NADK2: variants seen among roughly 807,000 people sequenced by gnomAD.
NADK2 encodes NAD kinase domain-containing protein 1, mitochondrial.
In NADK2, 35 loss-of-function variants were observed where a neutral mutation model predicts 62.1. The ratio of observed to expected loss-of-function variants is 0.56; its 90% confidence interval spans 0.43 to 0.75. NADK2 has a LOEUF of 0.75. NADK2 is among the 30% of genes least tolerant of loss of function. The pLI is 0.00. For synonymous variants in NADK2, 205 were observed against 207.9 expected, an observed-to-expected ratio of 0.99 and a Z score of 0.12; for missense variants, 439 against 561.3, an observed-to-expected ratio of 0.78 and a Z score of 2.20.
In NADK2 at chr5:36,206,272, C is replaced by T. The variant is rs191643497; in HGVS notation, c.956+898G>A. Among the ~76,000 whole-genome samples, 333 of 148,664 alleles carry T rather than the reference C, an allele frequency of 2.2e-3. 1 individual carries two copies. Among genetic ancestry groups the T allele is most frequent in the African/African-American group, 7.8e-3 (315 of 40,202 alleles). On this transcript the variant is annotated intron_variant, in intron 8 of 11. Coordinates refer to ENST00000381937, the MANE Select transcript of NADK2 (RefSeq NM_001085411.3). ...CAAACCTGCATGTTGTGCACATGTA[C>T]CCTAGAACTTAAAGTATAATAATAA...
rs1260106371 is a variant in NADK2, at chr5:36,197,632, T to C, written c.1099A>G (p.Ser367Gly). 4.4e-6 allele frequency: 7 copies of C among 1,594,752 alleles called. No homozygotes were observed. The Admixed American group carries it at 1.3e-4, about 29-fold the overall frequency. ...TNEYNESLLYSPEEPKILFSI... is the reference protein window; with the variant it reads ...TNEYNESLLYGPEEPKILFSI... ...AAAAGTATTTTTGGTTCTTCCGGAC[T>C]GTAGAGCAGTGATTCATTATATTCA... The change falls in exon 11 of 12, where the codon AGT becomes GGT. Residue 367 changes from serine (S) to glycine (G), a missense_variant. Transcript: ENST00000381937.
In NADK2 at chr5:36,197,426, G is replaced by A. The variant is rs1746269834; in HGVS notation, c.1190+115C>T. The A allele has an allele frequency of 2.2e-6, 3 of 1,345,070 alleles. No homozygotes were observed. The African/African-American group carries it at 4.4e-5, about 20-fold the overall frequency. The allele number at this position is 1,345,070 out of a possible 1,614,324, so 83.3% of individuals were successfully genotyped here. Reference sequence around the variant, plus strand: ...TACTTTCACAGGTTCTACTTTTCCTGCTAGATTAAGTTTGAATGAGCAAAT... The same window carrying A: ...TACTTTCACAGGTTCTACTTTTCCTACTAGATTAAGTTTGAATGAGCAAAT... On this transcript the variant is annotated intron_variant, in intron 11 of 11. Transcript: ENST00000381937.
chr5:36,200,621 T>C (rs1382382734), intron 9 of NADK2, among the ~76,000 whole-genome samples: 1 of 151,992 alleles, frequency 6.6e-6, no homozygotes, highest in Non-Finnish European at 1.5e-5. Flanking sequence ...TCATTCTGAG[T>C]AGCATGGTAA....
At chr5:36,232,443 C>T (rs755623232) in intron 1 of NADK2, among the ~76,000 whole-genome samples, 23 of 152,020 alleles carry the variant, frequency 1.5e-4, no homozygotes, top group Admixed American at 3.9e-4. Context: ...AATTTAGGCA[C>T]CCTTAAAAGC....
chr5:36,230,234 A>G (rs1747656690), intron 1 of NADK2, among the ~76,000 whole-genome samples: 1 of 151,998 alleles, frequency 6.6e-6, no homozygotes, highest in Non-Finnish European at 1.5e-5. Context: ...CCCATTCCCA[A>G]CACTCTAATC....
rs182955062 is a variant in NADK2 at position 36,201,180 on chromosome 5, T to G, written c.957-19A>C. The G allele has an allele frequency of 1.3e-4, 206 of 1,598,858 alleles. No homozygotes were observed. Among genetic ancestry groups the G allele is most frequent in the Middle Eastern group, 3.3e-4 (2 of 6,018 alleles). Reference sequence around the variant, plus strand: ...GAATGACCTAGAAACAAAAATCACATAATTCTTAGTTTTAATTCTAAAAAC... The same window carrying G: ...GAATGACCTAGAAACAAAAATCACAGAATTCTTAGTTTTAATTCTAAAAAC... On this transcript the variant is annotated intron_variant, in intron 8 of 11. Transcript: ENST00000381937.
In NADK2 at chr5:36,192,600, G is replaced by A. The variant is rs960737123; in HGVS notation, c.*2544C>T. 3 of 152,144 alleles carry A rather than the reference G, an allele frequency of 2.0e-5. No individual in the cohort carries two copies. The highest frequency in any genetic ancestry group is 2.0e-4 in the Admixed American group (3 of 15,284). 9.4% of individuals were successfully genotyped at this position (152,144 alleles called of 1,614,324 possible). On this transcript the variant is annotated 3_prime_UTR_variant, in exon 12 of 12. Transcript: ENST00000381937. The stretch of plus-strand genomic sequence containing the variant: ...AAGTGAAATCAATGTAGTAAAACAT[G>A]TAATATGATTTAATGTACAGGGGCC...
chr5:36,208,544 T>C, intron 7 of NADK2: 1 of 988,040 alleles, frequency 1.0e-6, no homozygotes, highest in South Asian at 1.5e-5. Flanking sequence ...CATTCTCACA[T>C]GCAAGATTTA....
At chr5:36,206,940 T>C (rs917552085) in intron 8 of NADK2, among the ~76,000 whole-genome samples, 1 of 152,088 alleles carries the variant, frequency 6.6e-6, no homozygotes, top group Non-Finnish European at 1.5e-5. Flanking sequence ...TCTCATTTCC[T>C]TTCCTTTGCA....
In NADK2 at chr5:36,217,830, A is replaced by G. The variant is rs201590811; in HGVS notation, c.699T>C (p.Pro233=). 1 of 1,614,042 alleles carries G rather than the reference A, an allele frequency of 6.2e-7. No individual in the cohort carries two copies. The highest frequency in any genetic ancestry group is 2.2e-5 in the East Asian group (1 of 44,866). The part of the protein sequence containing the change: ...RLYLEGTGIN[P]VPVDLHEQQL... ...GCTGCTCGTGAAGGTCCACAGGTAC[A>G]GGGTTTATGCCAGTCCCTTCAAGGT... Residue 233 remains proline, a synonymous_variant, in exon 6 of 12, where the codon CCT becomes CCC. Coordinates refer to ENST00000381937, the MANE Select transcript of NADK2 (RefSeq NM_001085411.3).
intron 4 of NADK2, 74 bp downstream of exon 4, chr5:36,225,468 T>C (rs769018876): frequency 8.0e-6 from 9 of 1,118,160 alleles, no homozygotes; most frequent in Admixed American, 6.4e-5. Context: ...CAGAAATGCA[T>C]GTATGTATAA....
chr5:36,219,813 C>G, intron 4 of NADK2, 134 bp from the exon 5 acceptor site: 1 of 616,174 alleles, frequency 1.6e-6, no homozygotes, highest in East Asian at 2.9e-5. Context: ...CCCTATATTC[C>G]ATTTTTTGCC....
At chr5:36,218,830 T>C (rs1467973992) in intron 5 of NADK2, among the ~76,000 whole-genome samples, 2 of 152,220 alleles carry the variant, frequency 1.3e-5, no homozygotes, top group Non-Finnish European at 2.9e-5. Flanking sequence ...GTGAGACAGA[T>C]ACCAGGAATC....
In NADK2 at chr5:36,205,672, C is replaced by G. The variant is rs750075691; in HGVS notation, c.956+1498G>C. Among the ~76,000 whole-genome samples the G allele has an allele frequency of 1.4e-4, 22 of 151,972 alleles. No individual in the cohort carries two copies. Among genetic ancestry groups the G allele is most frequent in the African/African-American group, 5.1e-4 (21 of 41,386 alleles). ...ATGCTGGAAAGGATGTGGAGAAATACAAACACTTTTACACTGTTGGTGGGA... is the reference window on the plus strand; with the variant it reads ...ATGCTGGAAAGGATGTGGAGAAATAGAAACACTTTTACACTGTTGGTGGGA... On this transcript the variant is annotated intron_variant, in intron 8 of 11. Transcript: ENST00000381937. This position sits in a 1 kb window ranked among gnomAD's most constrained non-coding sequence, Gnocchi z 4.1.
At position 36,241,326 on chromosome 5, in the gene NADK2, A is replaced by C; in HGVS notation, c.300+173T>G. 1 of 1,253,814 alleles carries C rather than the reference A, an allele frequency of 8.0e-7. No individual in the cohort carries two copies. The highest frequency in any genetic ancestry group is 1.0e-6 in the Non-Finnish European group (1 of 972,846). 77.7% of individuals were successfully genotyped at this position (1,253,814 alleles called of 1,614,324 possible). On this transcript the variant is annotated intron_variant, in intron 1 of 11. Transcript: ENST00000381937. The surrounding 1 kb of genome is among the most constrained non-coding windows in gnomAD (Gnocchi z 4.9). ...GCCTCTCCCTCGCACACACGCCCAA[A>C]GGCAAAGGAGGCCCAGGGAGAAGCC...
At chr5:36,238,783 T>C (rs1748000887) in intron 1 of NADK2, among the ~76,000 whole-genome samples, 2 of 152,088 alleles carry the variant, frequency 1.3e-5, no homozygotes, top group African/African-American at 2.4e-5. Flanking sequence ...CACTGGTCAA[T>C]CAATGGGGAA....
rs1317820743 is a variant in NADK2 at position 36,192,846 on chromosome 5, C to G, written c.*2298G>C. The G allele has an allele frequency of 6.6e-6, 1 of 152,064 alleles. No individual in the cohort carries two copies. The highest frequency in any genetic ancestry group is 1.9e-4 in the East Asian group (1 of 5,190). The allele number at this position is 152,064 out of a possible 1,614,324, so 9.4% of individuals were successfully genotyped here. A position where few individuals can be genotyped will look rare whatever the true frequency, so the allele number is the denominator to read the frequency against. ...GTGAAAACTAGTTTTCAAATAATGA[C>G]CCCTTGAGAGGGAAATAAGAAATGT... On this transcript the variant is annotated 3_prime_UTR_variant, in exon 12 of 12. Coordinates refer to ENST00000381937, the MANE Select transcript of NADK2 (RefSeq NM_001085411.3).
At chr5:36,207,403 A>G (rs1395105201) in intron 7 of NADK2, 138 bp from the exon 8 acceptor site, 4 of 595,686 alleles carry the variant, frequency 6.7e-6, no homozygotes, top group Non-Finnish European at 1.2e-5. Flanking sequence ...ACACATCATG[A>G]TGCTAATTCC....
chr5:36,228,785 A>C (rs1579632696), intron 1 of NADK2, among the ~76,000 whole-genome samples: 1 of 128,074 alleles, frequency 7.8e-6, no homozygotes, highest in Non-Finnish European at 1.8e-5. Context: ...CAACCAGCTA[A>C]TTTATTTTAT....
Sources: gnomAD v4.1 joint callset for allele counts (sites outside exome capture counted in the v4.1 genomes callset) on GRCh38, gnomAD v4.1.1 for gene constraint, Gnocchi (gnomAD v3.1) non-coding constraint, MANE v1.5 for transcripts, NCBI Gene and HGNC (gene_info 2026-07-23, HGNC 2026-07-21) for gene names.